The following CHSY1 variants were observed in gnomAD, a reference collection of about 807,000 sequenced individuals.
CHSY1 encodes chondroitin sulfate synthase 1.
In CHSY1, 13 loss-of-function variants were observed where a neutral mutation model predicts 59.8. The observed-to-expected ratio is 0.22, with a 90% CI of 0.14 to 0.35. The LOEUF is 0.35. Ranked by LOEUF, CHSY1 falls within the 10% of genes least tolerant of loss-of-function variation. CHSY1 has a pLI of 1.00. For synonymous variants in CHSY1, 459 were observed against 401.2 expected (o/e 1.14, Z -1.72); for missense variants, 947 against 1,030.6 (o/e 0.92, Z 1.11).
rs1393774763 is a variant in CHSY1 at position 101,178,330 on chromosome 15, A to G, written c.1467T>C (p.Asp489=). Residue 489 remains aspartate (D), a synonymous_variant, in exon 3 of 3, where the codon GAT becomes GAC. Transcript: ENST00000254190. The stretch of plus-strand genomic sequence containing the variant: ...TGATTCTCTTGGCCAACTCTTGTGC[A>G]TCCAGCTCCTCATGCTCCACAAACT... The part of the protein sequence containing the change: ...KIQFVEHEEL[D]AQELAKRINQ... The G allele has an allele frequency of 1.9e-6, 3 of 1,608,222 alleles. No individual in the cohort carries two copies. Among genetic ancestry groups the G allele is most frequent in the Non-Finnish European group, 2.6e-6 (3 of 1,175,324 alleles).
At chr15:101,182,442 T>A (rs1567086379) in intron 2 of CHSY1, among the ~76,000 whole-genome samples, 1 of 152,236 alleles carries the variant, frequency 6.6e-6, no homozygotes, top group Non-Finnish European at 1.5e-5. Flanking sequence ...GAGTAGAGTA[T>A]GTATCACAGT....
intron 2 of CHSY1, among the ~76,000 whole-genome samples, chr15:101,228,162 C>T (rs2038859035): frequency 1.3e-5 from 2 of 151,110 alleles, no homozygotes; most frequent in Admixed American, 1.3e-4. Context: ...CAGAGTTGAA[C>T]AGGCAGAGGA....
intron 1 of CHSY1, among the ~76,000 whole-genome samples, chr15:101,236,322 G>C (rs2038941961): frequency 6.6e-6 from 1 of 152,200 alleles, no homozygotes; most frequent in African/African-American, 2.4e-5. Flanking sequence ...GGACCCAGGG[G>C]AAGGTAAGTG....
At position 101,189,525 on chromosome 15, in the gene CHSY1, A is replaced by C. The variant is rs909779962; in HGVS notation, c.817-10545T>G. 5 of 964,378 alleles carry C rather than the reference A, an allele frequency of 5.2e-6. No homozygotes were observed. The African/African-American group carries it at 8.8e-5, about 17-fold the overall frequency. The allele number at this position is 964,378 out of a possible 1,614,324, so 59.7% of individuals were successfully genotyped here. A position where few individuals can be genotyped will look rare whatever the true frequency, so the allele number is the denominator to read the frequency against. On this transcript the variant is annotated intron_variant, in intron 2 of 2. Transcript: ENST00000254190. ...AGCCGGGTTTAAAGGGAAGCTAGAA[A>C]TCCAGCTGTTCTGTGTCAAGTCTAA...
At position 101,227,595 on chromosome 15, in the gene CHSY1, C is replaced by T. The variant is rs533423260; in HGVS notation, c.816+7487G>A. 2.3e-4 allele frequency among the ~76,000 whole-genome samples: 35 copies of T among 152,314 alleles called. 1 individual carries two copies. The highest frequency in any genetic ancestry group is 2.0e-3 in the Admixed American group (31 of 15,304). On this transcript the variant is annotated intron_variant, in intron 2 of 2. Transcript: ENST00000254190. ...ACTCCTGGGAATCTACAAGGCCACACGCATGTGTGGGAGTGTGTGCATGTT... is the reference window on the plus strand; with the variant it reads ...ACTCCTGGGAATCTACAAGGCCACATGCATGTGTGGGAGTGTGTGCATGTT...
At chr15:101,181,350 A>G (rs1336153784) in intron 2 of CHSY1, among the ~76,000 whole-genome samples, 1 of 152,234 alleles carries the variant, frequency 6.6e-6, no homozygotes, top group African/African-American at 2.4e-5. Context: ...TCAAGTATAA[A>G]TTGTTTCCAT....
rs189132695 is a variant in CHSY1 at position 101,235,025 on chromosome 15, C to T, written c.816+57G>A. 6.2e-5 allele frequency: 99 copies of T among 1,600,036 alleles called. 2 individuals are homozygous for T. In the Admixed American group the frequency reaches 1.5e-3, roughly 25 times the overall value. On this transcript the variant is annotated intron_variant, in intron 2 of 2. Transcript: ENST00000254190. ...CTAGTTTCCTATGATACGCTCAGAA[C>T]TAATGACAAAATTGACAAAATTAAG...
chr15:101,207,995 T>C lies in CHSY1; in HGVS notation c.816+27087A>G, dbSNP rs76196817. ...TAGGGAAGGCACCGGGAAGGAGGCA[T>C]TGCAACAGAGGATTGCTCACTTACA... On this transcript the variant is annotated intron_variant, in intron 2 of 2. Transcript: ENST00000254190. Among the ~76,000 whole-genome samples, 320 of 152,292 alleles carry C rather than the reference T, an allele frequency of 2.1e-3. 1 individual carries two copies. The highest frequency in any genetic ancestry group is 7.5e-3 in the African/African-American group (310 of 41,558).
At chr15:101,243,631 A>G (rs1170641927) in intron 1 of CHSY1, among the ~76,000 whole-genome samples, 1 of 152,166 alleles carries the variant, frequency 6.6e-6, no homozygotes, top group Non-Finnish European at 1.5e-5. Flanking sequence ...CTGAACAAAC[A>G]GTCATCGTGG....
At chr15:101,200,962 C>T (rs923995393) in intron 2 of CHSY1, among the ~76,000 whole-genome samples, 5 of 152,156 alleles carry the variant, frequency 3.3e-5, no homozygotes, top group Admixed American at 6.5e-5. Flanking sequence ...GCCATGTGTG[C>T]GAAGTCAGCC....
At chr15:101,218,819 T>C (rs1245560654) in intron 2 of CHSY1, among the ~76,000 whole-genome samples, 2 of 152,188 alleles carry the variant, frequency 1.3e-5, no homozygotes, top group South Asian at 2.1e-4. Context: ...CACATGAGTA[T>C]ACGAAAAGTA....
intron 2 of CHSY1, among the ~76,000 whole-genome samples, chr15:101,209,627 G>T (rs1240408343): frequency 6.6e-6 from 1 of 152,120 alleles, no homozygotes; most frequent in African/African-American, 2.4e-5. Flanking sequence ...CAGTTGCTAT[G>T]CAACAATAAG....
Position 101,178,683 on chromosome 15 carries a change from C to G in CHSY1, c.1114G>C (p.Glu372Gln). The change falls in exon 3 of 3, where the codon GAG (glutamate) becomes CAG (glutamine). Residue 372 changes from glutamate to glutamine, a missense_variant. Glu to Gln is a conservative substitution (Grantham distance 29, BLOSUM62 2). This residue lies in a region of CHSY1 where 602 missense variants were observed against 676.9 expected (regional missense o/e 0.89). Transcript: ENST00000254190. Reference sequence around the variant, plus strand: ...GTCAGAAACTCCCATTCCAGAATCTCCTCTCGCTGGCGGGGCTGAAACCTC... The same window carrying G: ...GTCAGAAACTCCCATTCCAGAATCTGCTCTCGCTGGCGGGGCTGAAACCTC... ...FMRFQPRQRE[E>Q]ILEWEFLTGK... 6.2e-7 allele frequency: 1 copy of G among 1,614,256 alleles called. No homozygotes were observed. Among genetic ancestry groups the G allele is most frequent in the Non-Finnish European group, 8.5e-7 (1 of 1,180,054 alleles).
chr15:101,216,854 A>AC (rs1163503460), intron 2 of CHSY1, among the ~76,000 whole-genome samples: 1 of 152,242 alleles, frequency 6.6e-6, no homozygotes, highest in Non-Finnish European at 1.5e-5. Context: ...TTTACAAAGC[A>AC]CAAAGAGCTA....
chr15:101,178,706 C>T lies in CHSY1; in HGVS notation c.1091G>A (p.Arg364Lys), dbSNP rs1036679938. The T allele has an allele frequency of 1.2e-6, 2 of 1,614,100 alleles. No homozygotes were observed. Among genetic ancestry groups the T allele is most frequent in the Non-Finnish European group, 1.7e-6 (2 of 1,180,040 alleles). The change falls in exon 3 of 3, where the codon AGG becomes AAG. Residue 364 changes from arginine (R) to lysine (K), a missense_variant. Transcript: ENST00000254190. ...CTCCTCTCGCTGGCGGGGCTGAAAC[C>T]TCATGAAGGAGGGAGGGATTCCCAG... ...LQLGIPPSFMRFQPRQREEIL... is the reference protein window; with the variant it reads ...LQLGIPPSFMKFQPRQREEIL...
intron 2 of CHSY1, among the ~76,000 whole-genome samples, chr15:101,201,226 A>T (rs529095380): frequency 6.6e-6 from 1 of 152,356 alleles, no homozygotes; most frequent in African/African-American, 2.4e-5. Flanking sequence ...GAGTAGAATC[A>T]TCTGAGATTG....
Position 101,180,111 on chromosome 15 carries a change from T to C in CHSY1, c.817-1131A>G, listed in dbSNP as rs373935146. Among the ~76,000 whole-genome samples, 45 of 152,352 alleles carry C rather than the reference T, an allele frequency of 3.0e-4. No individual in the cohort carries two copies. In the South Asian group the frequency reaches 4.3e-3, roughly 15 times the overall value. On this transcript the variant is annotated intron_variant, in intron 2 of 2. Transcript: ENST00000254190. ...TATTTGCCTCTGGACAATCATATGC[T>C]GACTCTTTCCTGAGCCACTGCAACT...
Position 101,210,253 on chromosome 15 carries a change from TC to T in CHSY1, c.816+24828del, listed in dbSNP as rs1482115895. On this transcript the variant is annotated intron_variant, in intron 2 of 2. Coordinates refer to ENST00000254190, the MANE Select transcript of CHSY1 (RefSeq NM_014918.5). Reference sequence around the variant, plus strand: ...TAGTAAGGCCTATTATAGCCACAATTCTGCATAATGTGCAAAGCAAAAGTGC... The same window carrying T: ...TAGTAAGGCCTATTATAGCCACAATTTGCATAATGTGCAAAGCAAAAGTGC... 2.0e-5 allele frequency among the ~76,000 whole-genome samples: 3 copies of T among 152,298 alleles called. No individual in the cohort carries two copies. In the East Asian group the frequency reaches 5.8e-4, roughly 29 times the overall value.
chr15:101,179,754 G>A (rs1231000559), intron 2 of CHSY1, among the ~76,000 whole-genome samples: 1 of 152,222 alleles, frequency 6.6e-6, no homozygotes, highest in East Asian at 1.9e-4. Flanking sequence ...CATGCAGGAC[G>A]CACAGGGCTC....
Sources: gnomAD v4.1 joint callset for allele counts (sites outside exome capture counted in the v4.1 genomes callset) on GRCh38, gnomAD v4.1.1 for gene constraint, gnomAD v4.1.1 regional missense constraint, MANE v1.5 for transcripts, NCBI Gene and HGNC (gene_info 2026-07-23, HGNC 2026-07-21) for gene names.